The following SPOCK3 variants were observed in gnomAD, a reference collection of about 807,000 sequenced individuals.
The protein encoded by SPOCK3 is SPARC (osteonectin), cwcv and kazal like domains proteoglycan 3.
In SPOCK3, 30 loss-of-function variants were observed where a neutral mutation model predicts 56.6. That is an observed-to-expected ratio of 0.53 (90% CI 0.40 to 0.72). The LOEUF (loss-of-function observed/expected upper bound fraction) is 0.72, where lower values mean the gene tolerates loss of function less well. SPOCK3 is among the 30% of genes least tolerant of loss of function. The probability of loss-of-function intolerance (pLI) is 0.00; values close to 1 mark genes in which losing one functional copy is unlikely to be tolerated. For missense variants in SPOCK3, 527 were observed against 530.0 expected, an observed-to-expected ratio of 0.99 and a Z score of 0.06; for synonymous variants, 196 against 183.3, an observed-to-expected ratio of 1.07 and a Z score of -0.56.
rs564338259 is a variant in SPOCK3, at chr4:166,785,609, A to G, written c.709+6561T>C. On this transcript the variant is annotated intron_variant, in intron 7 of 10. Coordinates refer to ENST00000357545, the MANE Select transcript of SPOCK3 (RefSeq NM_001040159.2). ...GTTAACTAATGCAAAATATATAGCA[A>G]TGTTGATTTGATGGTATGTGAAGCT... is the stretch of plus-strand genomic sequence containing the variant. Among the ~76,000 whole-genome samples the G allele has an allele frequency of 9.2e-5, 14 of 152,206 alleles. No homozygotes were observed. The South Asian group carries it at 2.5e-3, about 27-fold the overall frequency.
chr4:166,815,472 T>C (rs970553301), intron 6 of SPOCK3, among the ~76,000 whole-genome samples: 23 of 152,120 alleles, frequency 1.5e-4, no homozygotes, highest in Non-Finnish European at 1.2e-4. Context: ...TATGATCTAT[T>C]AAAAAGATGT....
intron 3 of SPOCK3, among the ~76,000 whole-genome samples, chr4:167,020,497 G>A (rs67905541): frequency 0.17 from 26,121 of 151,946 alleles, 2,391 homozygotes; most frequent in African/African-American, 0.24. Context: ...CCTCATGAAT[G>A]AACTAAGGCT....
At chr4:166,802,921 G>A (rs78232267) in intron 6 of SPOCK3, among the ~76,000 whole-genome samples, 6,552 of 152,074 alleles carry the variant, frequency 0.043, 186 homozygotes, top group African/African-American at 0.079. Context: ...AAAAAGTTCC[G>A]TTTAAAAATT....
chr4:167,056,751 A>G (rs1754922644), intron 3 of SPOCK3, among the ~76,000 whole-genome samples: 1 of 152,200 alleles, frequency 6.6e-6, no homozygotes, highest in African/African-American at 2.4e-5. Context: ...GAATAAAAAG[A>G]AACGAACAAA....
intron 2 of SPOCK3, among the ~76,000 whole-genome samples, chr4:167,195,570 A>G (rs1447195825): frequency 6.6e-6 from 1 of 152,190 alleles, no homozygotes; most frequent in Non-Finnish European, 1.5e-5. Flanking sequence ...ACTGGGACTG[A>G]GACAGGCTAG....
At chr4:166,841,219 T>G (rs906711597) in intron 6 of SPOCK3, among the ~76,000 whole-genome samples, 1 of 152,198 alleles carries the variant, frequency 6.6e-6, no homozygotes, top group Non-Finnish European at 1.5e-5. Context: ...AAAAACGCTT[T>G]AAGGAGCTGT....
chr4:166,764,482 T>G (rs2126526417), intron 7 of SPOCK3, among the ~76,000 whole-genome samples: 1 of 152,230 alleles, frequency 6.6e-6, no homozygotes, highest in African/African-American at 2.4e-5. Context: ...AGAATGATGG[T>G]TTCCACCTTC....
At chr4:166,859,070 ATACT>A (rs1730975368) in intron 6 of SPOCK3, among the ~76,000 whole-genome samples, 2 of 152,174 alleles carry the variant, frequency 1.3e-5, no homozygotes, top group Non-Finnish European at 2.9e-5. Flanking sequence ...AAAAGCATAA[ATACT>A]TACCATTGTG....
intron 2 of SPOCK3, among the ~76,000 whole-genome samples, chr4:167,093,646 G>C (rs1443994585): frequency 6.6e-6 from 1 of 152,156 alleles, no homozygotes; most frequent in Non-Finnish European, 1.5e-5. Context: ...TGGCTGCATA[G>C]TATTTCATGG....
intron 6 of SPOCK3, among the ~76,000 whole-genome samples, chr4:166,886,982 T>G (rs540539737): frequency 6.6e-6 from 1 of 152,254 alleles, no homozygotes; most frequent in Admixed American, 6.5e-5. Flanking sequence ...CAGAGGAGGA[T>G]TAGTTTAAAT....
At chr4:167,036,637 T>C (rs555934609) in intron 3 of SPOCK3, among the ~76,000 whole-genome samples, 7 of 152,186 alleles carry the variant, frequency 4.6e-5, no homozygotes, top group African/African-American at 1.7e-4. Flanking sequence ...TAGTCTACTT[T>C]TAAATTCTAT....
intron 6 of SPOCK3, among the ~76,000 whole-genome samples, chr4:166,823,987 A>C (rs1745196315): frequency 6.6e-6 from 1 of 152,020 alleles, no homozygotes; most frequent in African/African-American, 2.4e-5. Flanking sequence ...TTGCAGTATT[A>C]AGTCCCTAAG....
intron 5 of SPOCK3, among the ~76,000 whole-genome samples, chr4:166,890,723 T>G (rs564131111): frequency 2.0e-5 from 3 of 152,180 alleles, no homozygotes; most frequent in East Asian, 3.9e-4. Context: ...TAAGAATTTA[T>G]ATTCTGTTGA....
intron 6 of SPOCK3, among the ~76,000 whole-genome samples, chr4:166,862,387 A>G (rs1033465233): frequency 2.6e-5 from 4 of 152,124 alleles, no homozygotes; most frequent in Non-Finnish European, 5.9e-5. Flanking sequence ...ATAAAAAGTA[A>G]CAAAGAGGGA....
At chr4:167,093,468 G>A (rs1758885447) in intron 2 of SPOCK3, among the ~76,000 whole-genome samples, 1 of 152,000 alleles carries the variant, frequency 6.6e-6, no homozygotes. Context: ...ACAGGCCCCG[G>A]TGCATGATGT....
At chr4:167,233,878 C>T in intron 2 of SPOCK3, 107 bp downstream of exon 2, 2 of 963,782 alleles carry the variant, frequency 2.1e-6, no homozygotes, top group South Asian at 1.4e-5. Context: ...CCCTAAACCC[C>T]TCTCCTCAGA....
chr4:166,834,258 C>A (rs1260773001), intron 6 of SPOCK3, among the ~76,000 whole-genome samples: 3 of 152,208 alleles, frequency 2.0e-5, no homozygotes, highest in Admixed American at 6.5e-5. Flanking sequence ...ACCAACTCAT[C>A]TTGCTGTAAT....
intron 5 of SPOCK3, among the ~76,000 whole-genome samples, chr4:166,890,604 G>A (rs1443159040): frequency 1.3e-5 from 2 of 151,780 alleles, no homozygotes; most frequent in Non-Finnish European, 2.9e-5. Context: ...TTAAGCCTAA[G>A]TATTTTTCAT....
chr4:166,958,873 C>T (rs943801441), intron 4 of SPOCK3, among the ~76,000 whole-genome samples: 1 of 152,138 alleles, frequency 6.6e-6, no homozygotes, highest in Non-Finnish European at 1.5e-5. Flanking sequence ...GCTCCATAGG[C>T]ACAGGAAAGG....
Sources: allele counts gnomAD v4.1 joint callset (sites outside exome capture counted in the v4.1 genomes callset), GRCh38; gene constraint gnomAD v4.1.1; transcripts MANE v1.5; gene names NCBI Gene and HGNC (gene_info 2026-07-23, HGNC 2026-07-21).